The following QTRT2 variants were observed in gnomAD, a reference collection of about 807,000 sequenced individuals.
The protein encoded by QTRT2 is queuine tRNA-ribosyltransferase domain containing 1.
QTRT2 carries 32 observed loss-of-function variants against 44.8 expected under a neutral mutation model. The ratio of observed to expected loss-of-function variants is 0.71; its 90% CI spans 0.54 to 0.96. The LOEUF (loss-of-function observed/expected upper bound fraction) is 0.96. Among genes scored for constraint, QTRT2 ranks in the 40% least tolerant of loss-of-function variants. QTRT2 has a pLI of 0.00. For missense variants in QTRT2, 461 were observed against 503.1 expected, an observed-to-expected ratio of 0.92 and a Z score of 0.80; for synonymous variants, 182 against 187.4, an observed-to-expected ratio of 0.97 and a Z score of 0.24.
Position 114,065,446 on chromosome 3 carries a change from G to A in QTRT2, c.189G>A (p.Thr63=), listed in dbSNP as rs1422229022. The change falls in exon 3 of 10, where the codon ACG becomes ACA. Residue 63 remains threonine, a synonymous_variant. Coordinates refer to ENST00000281273, the MANE Select transcript of QTRT2 (RefSeq NM_024638.4). ...GGGTTCCTGCCATGGCTCAGCTTAC[G>A]CTGTCATCCCTGTAAGTGTTAGAAC... The part of the protein sequence containing the change: ...IHGVPAMAQL[T]LSSLAEHHEV... 5.0e-6 allele frequency: 8 copies of A among 1,612,732 alleles called. No homozygotes were observed. The highest frequency in any genetic ancestry group is 2.7e-5 in the African/African-American group (2 of 74,898).
At chr3:114,062,317 C>T (rs1460808469) in intron 2 of QTRT2, among the ~76,000 whole-genome samples, 3 of 143,968 alleles carry the variant, frequency 2.1e-5, no homozygotes, top group South Asian at 2.2e-4. Flanking sequence ...TACAGTAAGC[C>T]GTGATTACAC....
intron 3 of QTRT2, 65 bp downstream of exon 3, chr3:114,065,522 A>G (rs184034510): frequency 1.6e-6 from 2 of 1,218,092 alleles, no homozygotes; most frequent in East Asian, 4.9e-5. Context: ...TTAGGTGCAA[A>G]AAAGAGAAAT....
intron 6 of QTRT2, among the ~76,000 whole-genome samples, chr3:114,071,931 G>A (rs2077029798): frequency 1.3e-5 from 2 of 152,172 alleles, no homozygotes; most frequent in Non-Finnish European, 2.9e-5. Flanking sequence ...CTGTGATGTG[G>A]CCTCTACCTA....
chr3:114,072,913 G>A (rs1364742844), intron 6 of QTRT2, among the ~76,000 whole-genome samples: 1 of 152,170 alleles, frequency 6.6e-6, no homozygotes, highest in African/African-American at 2.4e-5. Context: ...GGGAACAGAA[G>A]ATAGTGATCA....
intron 2 of QTRT2, among the ~76,000 whole-genome samples, chr3:114,058,677 C>A (rs2076842715): frequency 6.6e-6 from 1 of 152,164 alleles, no homozygotes; most frequent in Non-Finnish European, 1.5e-5. Context: ...GTATTACAGG[C>A]ATGTGCTGCT....
chr3:114,061,977 A>C (rs1357779983), intron 2 of QTRT2, among the ~76,000 whole-genome samples: 5 of 147,240 alleles, frequency 3.4e-5, no homozygotes, highest in African/African-American at 1.3e-4. Flanking sequence ...AAATCTTGTT[A>C]TTTTCAGTGG....
rs754500050 is a variant in QTRT2 at position 114,082,681 on chromosome 3, A to G, written c.903A>G (p.Leu301=). 5.8e-6 allele frequency: 8 copies of G among 1,381,096 alleles called. No individual in the cohort carries two copies. Among genetic ancestry groups the G allele is most frequent in the South Asian group, 2.6e-5 (2 of 77,498 alleles). 85.6% of individuals were successfully genotyped at this position (1,381,096 alleles called of 1,614,324 possible). Residue 301 remains leucine (L), a synonymous_variant, in exon 9 of 10, where the codon CTA becomes CTG. Coordinates refer to ENST00000281273, the MANE Select transcript of QTRT2 (RefSeq NM_024638.4). The part of the protein sequence containing the change: ...DYQPNPEETL[L]QQNGTQEEIK... ...TTTTATTGGTTTGTCCTTCAGTACT[A>G]CAACAAAATGGAACACAAGAAGAAA...
At chr3:114,078,171 A>C (rs899343369) in intron 7 of QTRT2, 1 of 152,162 alleles carries the variant, frequency 6.6e-6, no homozygotes. Context: ...TTTTGTGTTC[A>C]TTGCTCCCTC....
At chr3:114,064,998 A>G (rs1180931991) in intron 2 of QTRT2, among the ~76,000 whole-genome samples, 6 of 152,188 alleles carry the variant, frequency 3.9e-5, no homozygotes, top group Non-Finnish European at 5.9e-5. Context: ...CAAAAATTCC[A>G]TGACTAAATT....
intron 8 of QTRT2, among the ~76,000 whole-genome samples, chr3:114,081,658 G>T (rs1042012900): frequency 6.6e-6 from 1 of 152,150 alleles, no homozygotes; most frequent in Non-Finnish European, 1.5e-5. Context: ...GGCTGGTTGT[G>T]CACTCCTGAC....
chr3:114,069,323 A>G (rs2076994803), intron 5 of QTRT2, among the ~76,000 whole-genome samples: 1 of 151,970 alleles, frequency 6.6e-6, no homozygotes, highest in African/African-American at 2.4e-5. Flanking sequence ...GGTTTGTTGT[A>G]CAGATTATTT....
At position 114,087,574 on chromosome 3, in the gene QTRT2, T is replaced by G. The variant is rs1455772420; in HGVS notation, c.*1670T>G. On this transcript the variant is annotated 3_prime_UTR_variant, in exon 10 of 10. Coordinates refer to ENST00000281273, the MANE Select transcript of QTRT2 (RefSeq NM_024638.4). Reference sequence around the variant, plus strand: ...TTTATATTTTTAGTAGAGATGGGGTTTCACCGTATGAGCCAGGATGGTCTC... The same window carrying G: ...TTTATATTTTTAGTAGAGATGGGGTGTCACCGTATGAGCCAGGATGGTCTC... The G allele has an allele frequency of 6.6e-6, 1 of 152,186 alleles. No individual in the cohort carries two copies. The highest frequency in any genetic ancestry group is 1.5e-5 in the Non-Finnish European group (1 of 68,126). The allele number at this position is 152,186 out of a possible 1,614,324, so 9.4% of individuals were successfully genotyped here.
chr3:114,061,286 A>T (rs1209829344), intron 2 of QTRT2, among the ~76,000 whole-genome samples: 1 of 152,182 alleles, frequency 6.6e-6, no homozygotes, highest in African/African-American at 2.4e-5. Flanking sequence ...TTCTCAGAGT[A>T]AATAATTGTG....
chr3:114,076,815 C>G lies in QTRT2; in HGVS notation c.619C>G (p.Arg207Gly). 6.2e-7 allele frequency: 1 copy of G among 1,614,156 alleles called. No individual in the cohort carries two copies. Among genetic ancestry groups the G allele is most frequent in the Non-Finnish European group, 8.5e-7 (1 of 1,180,018 alleles). The change falls in exon 7 of 10, where the codon CGA (arginine) becomes GGA (glycine). Residue 207 changes from arginine (R) to glycine (G), a missense_variant. Physicochemically the swap from Arg to Gly is moderately radical, Grantham distance 125. Transcript: ENST00000281273. ...GATGGAAGAGAGGCTGAGGTCAGCA[C>G]GAGAGACAGCCAAGCGGCCTGTGGG... is the stretch of plus-strand genomic sequence containing the variant. ...DVMEERLRSA[R>G]ETAKRPVGGF...
intron 8 of QTRT2, among the ~76,000 whole-genome samples, chr3:114,082,204 C>CACACACACACA: frequency 7.2e-6 from 1 of 138,784 alleles, no homozygotes; most frequent in East Asian, 2.1e-4. Context: ...GATAACCCCA[C>CACACACACACA]CACACACACA....
intron 8 of QTRT2, among the ~76,000 whole-genome samples, chr3:114,080,354 A>G (rs528714512): frequency 1.3e-5 from 2 of 152,374 alleles, no homozygotes; most frequent in South Asian, 2.1e-4. Context: ...GATGAAAATC[A>G]TAAGAAAACC....
At chr3:114,078,214 A>C (rs1031003765) in intron 7 of QTRT2, 1 of 152,160 alleles carries the variant, frequency 6.6e-6, no homozygotes, top group Non-Finnish European at 1.5e-5. Context: ...TGCACATAAC[A>C]CTTCAGCACC....
chr3:114,088,242 TTTCC>T lies in QTRT2; in HGVS notation c.*2340_*2343del, dbSNP rs1397975675. On this transcript the variant is annotated 3_prime_UTR_variant, in exon 10 of 10. Coordinates refer to ENST00000281273, the MANE Select transcript of QTRT2 (RefSeq NM_024638.4). ...GAAAACTGTGTCCAATATCGTTCAGTTTCCTGGGTCTTTTTCTTATTAGCACATT... is the reference window on the plus strand; with the variant it reads ...GAAAACTGTGTCCAATATCGTTCAGTTGGGTCTTTTTCTTATTAGCACATT... 1 of 152,224 alleles carries T rather than the reference TTTCC, an allele frequency of 6.6e-6. No homozygotes were observed. The highest frequency in any genetic ancestry group is 1.5e-5 in the Non-Finnish European group (1 of 68,036). The allele number at this position is 152,224 out of a possible 1,614,324, so 9.4% of individuals were successfully genotyped here.
chr3:114,082,233 C>CACAA (rs2077176242), intron 8 of QTRT2, among the ~76,000 whole-genome samples: 1 of 148,596 alleles, frequency 6.7e-6, no homozygotes, highest in Non-Finnish European at 1.5e-5. Flanking sequence ...CACACACACA[C>CACAA]ACACACACAC....
Sources: gnomAD v4.1 joint callset for allele counts (sites outside exome capture counted in the v4.1 genomes callset) on GRCh38, gnomAD v4.1.1 for gene constraint, MANE v1.5 for transcripts, NCBI Gene and HGNC (gene_info 2026-07-23, HGNC 2026-07-21) for gene names.